Variants in KHDRBS1 observed in about 807,000 individuals in gnomAD.
KHDRBS1 encodes KH domain-containing, RNA-binding, signal transduction-associated protein 1.
In KHDRBS1, 7 loss-of-function variants were observed where a neutral mutation model predicts 48.4. That is an observed-to-expected ratio of 0.14 (90% CI 0.08 to 0.27). The LOEUF is 0.27. Among genes scored for constraint, KHDRBS1 ranks in the 10% least tolerant of loss-of-function variants. KHDRBS1 has a pLI of 1.00. For missense variants in KHDRBS1, 458 were observed against 601.2 expected, an observed-to-expected ratio of 0.76 and a Z score of 2.49; for synonymous variants, 241 against 235.8, an observed-to-expected ratio of 1.02 and a Z score of -0.20.
chr1:32,014,134 G>GGCGGAGGGGGATCCC lies in KHDRBS1; in HGVS notation c.144_158dup (p.Gly50_Gly54dup). ...GCCGCTGCCTCACCGGTCCCGGGGA[G>GGCGGAGGGGGATCCC]GCGGAGGGGGATCCCGCGGGGGCGC... is the stretch of plus-strand genomic sequence containing the variant. On this transcript the variant is annotated inframe_insertion, in exon 1 of 9. Coordinates refer to ENST00000327300, the MANE Select transcript of KHDRBS1 (RefSeq NM_006559.3). The GGCGGAGGGGGATCCC allele has an allele frequency of 7.5e-7, 1 of 1,328,618 alleles. No homozygotes were observed. Among genetic ancestry groups the GGCGGAGGGGGATCCC allele is most frequent in the Non-Finnish European group, 9.6e-7 (1 of 1,041,576 alleles). The allele number at this position is 1,328,618 out of a possible 1,614,324, so 82.3% of individuals were successfully genotyped here. A position where few individuals can be genotyped will look rare whatever the true frequency, so the allele number is the denominator to read the frequency against.
chr1:32,050,468 GTTTC>G (rs1252340619), intron 10 of KHDRBS1, among the ~76,000 whole-genome samples: 2 of 151,920 alleles, frequency 1.3e-5, no homozygotes, highest in Non-Finnish European at 2.9e-5. Context: ...GTACCTGTTT[GTTTC>G]TTTCTCAGTT....
intron 8 of KHDRBS1, among the ~76,000 whole-genome samples, chr1:32,041,663 C>T (rs1639285855): frequency 7.3e-6 from 1 of 137,330 alleles, no homozygotes; most frequent in East Asian, 2.3e-4. Context: ...AATCTCAGCT[C>T]ACTGCAACCT....
At position 32,018,614 on chromosome 1, in the gene KHDRBS1, G is replaced by A. The variant is rs966320583; in HGVS notation, c.382+4237G>A. Among the ~76,000 whole-genome samples, 10 of 151,758 alleles carry A rather than the reference G, an allele frequency of 6.6e-5. No homozygotes were observed. In the East Asian group the frequency reaches 1.4e-3, roughly 21 times the overall value. On this transcript the variant is annotated intron_variant, in intron 1 of 8. Transcript: ENST00000327300. ...ACTAAAAGATACAAAAAAATTAGCC[G>A]GGCGCAGTGGCGGGCGCCTGTAGTC... is the stretch of plus-strand genomic sequence containing the variant.
intron 4 of KHDRBS1, among the ~76,000 whole-genome samples, chr1:32,036,704 A>G (rs932107253): frequency 2.0e-5 from 3 of 152,176 alleles, no homozygotes; most frequent in African/African-American, 7.2e-5. Flanking sequence ...CAGAGACCAC[A>G]TTATGAATAA....
At chr1:32,036,158 T>A (rs1639173116) in intron 4 of KHDRBS1, among the ~76,000 whole-genome samples, 1 of 146,538 alleles carries the variant, frequency 6.8e-6, no homozygotes, top group African/African-American at 2.6e-5. Flanking sequence ...AGGGTCATTT[T>A]GAAGATTTTT....
chr1:32,025,260 A>T, intron 1 of KHDRBS1, among the ~76,000 whole-genome samples: 1 of 124,124 alleles, frequency 8.1e-6, no homozygotes, highest in Admixed American at 8.4e-5. Context: ...GTGAGACCCT[A>T]TCTCAAAAAA....
chr1:32,016,074 A>T (rs1326664660), intron 1 of KHDRBS1, among the ~76,000 whole-genome samples: 1 of 152,094 alleles, frequency 6.6e-6, no homozygotes, highest in Non-Finnish European at 1.5e-5. Flanking sequence ...GCTACTTTGG[A>T]AGCTGAGGCA....
chr1:32,022,254 T>TC (rs1638874480), intron 1 of KHDRBS1, among the ~76,000 whole-genome samples: 1 of 152,190 alleles, frequency 6.6e-6, no homozygotes, highest in South Asian at 2.1e-4. Context: ...CACCTTGGCC[T>TC]CCCAAAGTGC....
intron 1 of KHDRBS1, among the ~76,000 whole-genome samples, chr1:32,017,777 T>C (rs1411673905): frequency 6.6e-6 from 1 of 151,900 alleles, no homozygotes; most frequent in East Asian, 1.9e-4. Flanking sequence ...CCGGCTAATT[T>C]CGTATTTTTA....
At chr1:32,029,803 C>A (rs1639047728) in intron 1 of KHDRBS1, among the ~76,000 whole-genome samples, 1 of 152,208 alleles carries the variant, frequency 6.6e-6, no homozygotes, top group African/African-American at 2.4e-5. Flanking sequence ...ACTTAGGTCA[C>A]ACGACTAGTG....
Position 32,014,276 on chromosome 1 carries a change from C to T in KHDRBS1, c.281C>T (p.Ser94Leu). 3 of 1,551,392 alleles carry T rather than the reference C, an allele frequency of 1.9e-6. No individual in the cohort carries two copies. The highest frequency in any genetic ancestry group is 1.2e-5 in the South Asian group (1 of 83,394). ...CTGCTGCCCCCCTCGGCCACAGCCT[C>T]GGTCAAGATGGAGCCAGAGAACAAG... ...TPLLPPSATA[S>L]VKMEPENKYL... is the part of the protein sequence containing the mutation. Residue 94 changes from serine to leucine, a missense_variant, in exon 1 of 9, where the codon TCG becomes TTG. Around this residue, in one of 3 missense-constraint regions of KHDRBS1, gnomAD observed 213 missense variants for 215.6 expected, o/e 0.99. Coordinates refer to ENST00000327300, the MANE Select transcript of KHDRBS1 (RefSeq NM_006559.3).
chr1:32,018,968 G>A (rs1329769266), intron 1 of KHDRBS1, among the ~76,000 whole-genome samples: 2 of 151,546 alleles, frequency 1.3e-5, no homozygotes, highest in Non-Finnish European at 2.9e-5. Flanking sequence ...CTACTCGGGA[G>A]CCTGTAATTC....
rs1197386198 is a variant in KHDRBS1 at position 32,039,532 on chromosome 1, A to T, written c.1193A>T (p.Asp398Val). 1 of 1,512,176 alleles carries T rather than the reference A, an allele frequency of 6.6e-7. No individual in the cohort carries two copies. Among genetic ancestry groups the T allele is most frequent in the Non-Finnish European group, 9.2e-7 (1 of 1,087,150 alleles). 93.7% of individuals were successfully genotyped at this position (1,512,176 alleles called of 1,614,324 possible). Residue 398 changes from aspartate to valine, a missense_variant, in exon 8 of 9, where the codon GAC becomes GTC. Asp to Val is a radical substitution (Grantham distance 152, BLOSUM62 -3). Transcript: ENST00000327300. The stretch of plus-strand genomic sequence containing the variant: ...GCTTTCAGGGACTCAGAATATTATG[A>T]CTATGGACATGGGGAGGTTCAAGAT... ...SQSQGDSEYYDYGHGEVQDSY... is the reference protein window; with the variant it reads ...SQSQGDSEYYVYGHGEVQDSY...
chr1:32,042,402 G>C, intron 8 of KHDRBS1, 125 bp from the exon 9 acceptor site: 1 of 646,918 alleles, frequency 1.5e-6, no homozygotes, highest in Non-Finnish European at 2.7e-6. Flanking sequence ...AGGAACACCA[G>C]GGGAAGTGTC....
At chr1:32,046,954 A>T (rs956916852), downstream of KHDRBS1, among the ~76,000 whole-genome samples, 1 of 152,192 alleles carries the variant, frequency 6.6e-6, no homozygotes, top group African/African-American at 2.4e-5. Context: ...CAGAGAATTT[A>T]GTCTCAACTC....
At chr1:32,041,850 A>C (rs1168777137) in intron 8 of KHDRBS1, among the ~76,000 whole-genome samples, 1 of 152,122 alleles carries the variant, frequency 6.6e-6, no homozygotes, top group African/African-American at 2.4e-5. Context: ...GGCCTCCCAA[A>C]GTGCTGGGAT....
At chr1:32,040,338 C>A (rs986913997) in intron 8 of KHDRBS1, among the ~76,000 whole-genome samples, 1 of 152,052 alleles carries the variant, frequency 6.6e-6, no homozygotes, top group African/African-American at 2.4e-5. Context: ...ATCACTTGAA[C>A]CTGGGAGGCG....
chr1:32,024,574 A>G (rs1317508375), intron 1 of KHDRBS1, among the ~76,000 whole-genome samples: 1 of 151,132 alleles, frequency 6.6e-6, no homozygotes, highest in Non-Finnish European at 1.5e-5. Context: ...CAATCCTCCC[A>G]CCTCGGCCTC....
chr1:32,015,311 G>T (rs1557887395), intron 1 of KHDRBS1, among the ~76,000 whole-genome samples: 1 of 152,128 alleles, frequency 6.6e-6, no homozygotes, highest in African/African-American at 2.4e-5. Context: ...TTTCCCTAAA[G>T]CTGTCTGACT....
Sources: gnomAD v4.1 joint callset for allele counts (sites outside exome capture counted in the v4.1 genomes callset) on GRCh38, gnomAD v4.1.1 for gene constraint, gnomAD v4.1.1 regional missense constraint, MANE v1.5 for transcripts, NCBI Gene and HGNC (gene_info 2026-07-23, HGNC 2026-07-21) for gene names.